The following SLC24A2 variants were observed in gnomAD, a reference collection of about 807,000 sequenced individuals.
SLC24A2 encodes solute carrier family 24 member 2, also known as sodium/potassium/calcium exchanger 2.
Under a neutral mutation model 62.0 loss-of-function variants are expected in SLC24A2, and 36 were observed. The observed-to-expected ratio is 0.58, with a 90% CI of 0.44 to 0.77. The LOEUF (loss-of-function observed/expected upper bound fraction) is 0.77. Among genes scored for constraint, SLC24A2 ranks in the 30% least tolerant of loss-of-function variants. SLC24A2 has a pLI of 0.00. For synonymous variants in SLC24A2, 358 were observed against 294.0 expected (o/e 1.22, Z -2.23); for missense variants, 846 against 817.9 (o/e 1.03, Z -0.42).
At chr9:19,858,998 G>A in the SLC24A2 span, among the ~76,000 whole-genome samples, 2 of 152,112 alleles carry the variant, frequency 1.3e-5, no homozygotes, top group Non-Finnish European at 2.9e-5. Context: ...TCATTATTGG[G>A]TATATACACA....
chr9:19,592,521 C>A (rs542190959), intron 5 of SLC24A2, among the ~76,000 whole-genome samples: 2 of 151,928 alleles, frequency 1.3e-5, no homozygotes, highest in South Asian at 4.2e-4. Context: ...TACCTACCTA[C>A]CTACCTACCT....
chr9:19,634,913 C>T (rs1292339138), intron 2 of SLC24A2, among the ~76,000 whole-genome samples: 1 of 152,106 alleles, frequency 6.6e-6, no homozygotes, highest in Non-Finnish European at 1.5e-5. Flanking sequence ...TTGAGATCTA[C>T]CATTAAGTAA....
intron 2 of SLC24A2, among the ~76,000 whole-genome samples, chr9:19,701,090 T>C (rs890026459): frequency 6.6e-6 from 1 of 152,212 alleles, no homozygotes; most frequent in Non-Finnish European, 1.5e-5. Flanking sequence ...TGTATAAGAA[T>C]CTTTTCTTGT....
At chr9:20,287,594 T>C in the SLC24A2 span, among the ~76,000 whole-genome samples, 5 of 152,222 alleles carry the variant, frequency 3.3e-5, no homozygotes, top group South Asian at 2.1e-4. Flanking sequence ...ACACCTACTC[T>C]GTGTCAGATT....
the SLC24A2 span, chr9:19,927,753 T>C: frequency 2.0e-5 from 3 of 152,192 alleles, no homozygotes; most frequent in African/African-American, 4.8e-5. Context: ...CCAAACTCAG[T>C]TGTTTCAGCT....
chr9:19,753,983 G>A (rs1301910601), intron 2 of SLC24A2, among the ~76,000 whole-genome samples: 1 of 151,986 alleles, frequency 6.6e-6, no homozygotes, highest in East Asian at 1.9e-4. Context: ...AGCAGCAAAG[G>A]TATGAAAATG....
At chr9:20,112,464 T>C in the SLC24A2 span, among the ~76,000 whole-genome samples, 4 of 152,154 alleles carry the variant, frequency 2.6e-5, no homozygotes, top group South Asian at 4.1e-4. Flanking sequence ...AAGTTATTCA[T>C]CCTCTTTACC....
the SLC24A2 span, among the ~76,000 whole-genome samples, chr9:20,099,652 G>C: frequency 6.6e-6 from 1 of 152,044 alleles, no homozygotes; most frequent in Non-Finnish European, 1.5e-5. Context: ...TCCAGGGGAT[G>C]ACCAAACATC....
chr9:19,741,595 C>A (rs1193049893), intron 2 of SLC24A2, among the ~76,000 whole-genome samples: 1 of 152,162 alleles, frequency 6.6e-6, no homozygotes, highest in Non-Finnish European at 1.5e-5. Context: ...TGCAATTCTA[C>A]CTCCCTGGGA....
At chr9:20,068,275 G>A in the SLC24A2 span, among the ~76,000 whole-genome samples, 3 of 151,944 alleles carry the variant, frequency 2.0e-5, no homozygotes, top group East Asian at 1.9e-4. Context: ...TCTTGGCCAG[G>A]CTGGTTGTGA....
chr9:20,234,514 C>T, the SLC24A2 span, among the ~76,000 whole-genome samples: 43 of 152,320 alleles, frequency 2.8e-4, no homozygotes, highest in African/African-American at 9.6e-4. Context: ...TCCAGTTGAT[C>T]GCATCAGCTA....
the SLC24A2 span, among the ~76,000 whole-genome samples, chr9:20,239,216 G>A: frequency 1.3e-5 from 2 of 152,182 alleles, no homozygotes; most frequent in Non-Finnish European, 2.9e-5. Context: ...ACAAAACATA[G>A]AGGATTCCCA....
chr9:19,966,627 T>G, the SLC24A2 span, among the ~76,000 whole-genome samples: 8 of 152,202 alleles, frequency 5.3e-5, no homozygotes, highest in African/African-American at 1.9e-4. Flanking sequence ...AATAAAAATG[T>G]CACTATTGAA....
At chr9:20,191,600 A>G in the SLC24A2 span, among the ~76,000 whole-genome samples, 1 of 151,570 alleles carries the variant, frequency 6.6e-6, no homozygotes, top group Non-Finnish European at 1.5e-5. Flanking sequence ...AAAAATTATC[A>G]TATGGATCCA....
At chr9:19,761,219 C>T (rs906334890) in intron 2 of SLC24A2, among the ~76,000 whole-genome samples, 3 of 151,978 alleles carry the variant, frequency 2.0e-5, no homozygotes, top group Non-Finnish European at 4.4e-5. Context: ...GTTCTAGATC[C>T]TTGAGGAATC....
the SLC24A2 span, among the ~76,000 whole-genome samples, chr9:19,885,562 T>A: frequency 6.6e-6 from 1 of 152,156 alleles, no homozygotes; most frequent in Non-Finnish European, 1.5e-5. Context: ...TGTGGTGTAG[T>A]GGTAACTAAG....
the SLC24A2 span, among the ~76,000 whole-genome samples, chr9:20,109,349 A>T: frequency 6.6e-6 from 1 of 152,220 alleles, no homozygotes; most frequent in African/African-American, 2.4e-5. Flanking sequence ...TTGCAAGCTA[A>T]GCCCCTGGCT....
the SLC24A2 span, among the ~76,000 whole-genome samples, chr9:20,123,477 G>A: frequency 4.6e-5 from 7 of 152,272 alleles, no homozygotes; most frequent in African/African-American, 1.7e-4. Flanking sequence ...TGTCCAAGTA[G>A]GAGGTACAGA....
At chr9:20,235,598 G>A in the SLC24A2 span, among the ~76,000 whole-genome samples, 2 of 152,178 alleles carry the variant, frequency 1.3e-5, no homozygotes, top group African/African-American at 2.4e-5. Context: ...TATTGGGGTG[G>A]GAGTGACCCA....
Sources: gnomAD v4.1 joint callset for allele counts (sites outside exome capture counted in the v4.1 genomes callset) on GRCh38, gnomAD v4.1.1 for gene constraint, MANE v1.5 for transcripts, NCBI Gene and HGNC (gene_info 2026-07-23, HGNC 2026-07-21) for gene names.